The following ANKFN1 variants were observed in gnomAD, a reference collection of about 807,000 sequenced individuals.
ANKFN1 encodes ankyrin repeat and fibronectin type-III domain-containing protein 1.
In ANKFN1, 74 loss-of-function variants were observed where a neutral mutation model predicts 108.7. That is an observed-to-expected ratio of 0.68 (90% confidence interval 0.56 to 0.83). ANKFN1 has a LOEUF of 0.83. ANKFN1 is among the 40% of genes least tolerant of loss of function. ANKFN1 has a pLI of 0.00. For synonymous variants in ANKFN1, 547 were observed against 516.2 expected (o/e 1.06, Z -0.81); for missense variants, 1,505 against 1,382.3 (o/e 1.09, Z -1.41).
At chr17:56,084,170 C>A (rs1905280601) in intron 4 of ANKFN1, among the ~76,000 whole-genome samples, 1 of 150,988 alleles carries the variant, frequency 6.6e-6, no homozygotes, top group Admixed American at 6.6e-5. Context: ...GAAATAGGCA[C>A]CCTCTAGAGA....
At chr17:56,083,304 C>T (rs1317948347) in intron 4 of ANKFN1, among the ~76,000 whole-genome samples, 1 of 151,344 alleles carries the variant, frequency 6.6e-6, no homozygotes, top group Admixed American at 6.6e-5. Flanking sequence ...CTCCATTTTC[C>T]TTCCAATGTA....
intron 4 of ANKFN1, among the ~76,000 whole-genome samples, chr17:56,109,599 A>G (rs1905843569): frequency 6.6e-6 from 1 of 152,200 alleles, no homozygotes; most frequent in South Asian, 2.1e-4. Context: ...AAAAAAGGAA[A>G]GGTTGAACAG....
chr17:56,174,507 C>T (rs1910952828), intron 1 of ANKFN1: 1 of 794,404 alleles, frequency 1.3e-6, no homozygotes. Context: ...TGGAGTCTCT[C>T]TGTGCCTTTG....
intron 14 of ANKFN1, chr17:56,463,764 G>C (rs1349578630): frequency 6.6e-6 from 1 of 152,194 alleles, no homozygotes; most frequent in Non-Finnish European, 1.5e-5. Context: ...TGAATACCGT[G>C]TTCTTTACAT....
chr17:56,099,488 T>G (rs1905597470), intron 4 of ANKFN1, among the ~76,000 whole-genome samples: 1 of 152,194 alleles, frequency 6.6e-6, no homozygotes, highest in African/African-American at 2.4e-5. Flanking sequence ...TAGATTCTTC[T>G]AAGGATGTTC....
At chr17:56,234,225 A>G (rs1655670795) in intron 3 of ANKFN1, among the ~76,000 whole-genome samples, 1 of 152,162 alleles carries the variant, frequency 6.6e-6, no homozygotes. Flanking sequence ...ACACACCTTT[A>G]TATGGTATTC....
chr17:56,274,999 T>A (rs1261717237), intron 3 of ANKFN1, among the ~76,000 whole-genome samples: 1 of 152,178 alleles, frequency 6.6e-6, no homozygotes, highest in African/African-American at 2.4e-5. Context: ...CTAAAAAGAA[T>A]TAAGTGAGCT....
intron 3 of ANKFN1, among the ~76,000 whole-genome samples, chr17:56,246,775 T>C (rs538165727): frequency 9.9e-5 from 15 of 152,024 alleles, no homozygotes; most frequent in Non-Finnish European, 1.6e-4. Context: ...ATATATGTAA[T>C]ACATAACTAA....
chr17:56,170,939 G>A (rs1056715817), intron 1 of ANKFN1, among the ~76,000 whole-genome samples: 4 of 150,894 alleles, frequency 2.7e-5, no homozygotes, highest in African/African-American at 7.3e-5. Flanking sequence ...TCAAGTTGAT[G>A]TAAGTCTCTG....
chr17:56,274,713 G>A (rs1012920756), intron 3 of ANKFN1, among the ~76,000 whole-genome samples: 2 of 152,252 alleles, frequency 1.3e-5, no homozygotes, highest in East Asian at 3.9e-4. Context: ...TCCCTTTGGG[G>A]CTGGCAATTT....
At chr17:56,359,120 G>A (rs907346430) in intron 6 of ANKFN1, among the ~76,000 whole-genome samples, 2 of 152,302 alleles carry the variant, frequency 1.3e-5, no homozygotes, top group African/African-American at 4.8e-5. Context: ...TAGATGCTCA[G>A]AAAATTACAG....
At chr17:56,416,962 A>G (rs2332650) in intron 8 of ANKFN1, among the ~76,000 whole-genome samples, 114,994 of 151,994 alleles carry the variant, frequency 0.76, 43,702 homozygotes, top group East Asian at 0.96. Context: ...GGCACAGAAA[A>G]ACAAACTTCA....
intron 3 of ANKFN1, among the ~76,000 whole-genome samples, chr17:56,248,663 C>T (rs931167862): frequency 6.6e-6 from 1 of 152,194 alleles, no homozygotes; most frequent in African/African-American, 2.4e-5. Context: ...CAAAGCCTAT[C>T]CTCTGCCCAG....
chr17:56,075,078 A>G (rs1449772552), intron 4 of ANKFN1, among the ~76,000 whole-genome samples: 1 of 152,230 alleles, frequency 6.6e-6, no homozygotes, highest in Non-Finnish European at 1.5e-5. Context: ...GCTAGCAGGA[A>G]ACAGACCCAA....
intron 8 of ANKFN1, among the ~76,000 whole-genome samples, chr17:56,418,140 T>G (rs1306768032): frequency 6.6e-6 from 1 of 152,222 alleles, no homozygotes; most frequent in African/African-American, 2.4e-5. Context: ...TCCTTTTAAA[T>G]AAGACCTCCC....
chr17:56,378,568 A>G (rs1320791260), intron 8 of ANKFN1, among the ~76,000 whole-genome samples: 1 of 152,216 alleles, frequency 6.6e-6, no homozygotes, highest in Non-Finnish European at 1.5e-5. Flanking sequence ...CATAGGTATG[A>G]GGTAGCTACC....
intron 4 of ANKFN1, among the ~76,000 whole-genome samples, chr17:56,099,535 A>G (rs933996978): frequency 6.6e-6 from 1 of 152,186 alleles, no homozygotes; most frequent in Non-Finnish European, 1.5e-5. Context: ...GATTTCTGCC[A>G]CCAGATGTTG....
chr17:56,223,582 C>T (rs72833808), intron 2 of ANKFN1, among the ~76,000 whole-genome samples: 15,853 of 152,066 alleles, frequency 0.1, 1,168 homozygotes, highest in African/African-American at 0.21. Context: ...TTTATAAAAT[C>T]AGTAAAATAC....
intron 17 of ANKFN1, 70 bp downstream of exon 17, chr17:56,480,888 G>GGTGTGTGTCT (rs2050673139): frequency 7.6e-7 from 1 of 1,320,362 alleles, no homozygotes; most frequent in African/African-American, 1.8e-5. Flanking sequence ...CATTAAGTGG[G>GGTGTGTGTCT]GTGTGTGTGT....
Sources: gnomAD v4.1 joint callset for allele counts (sites outside exome capture counted in the v4.1 genomes callset) on GRCh38, gnomAD v4.1.1 for gene constraint, MANE v1.5 for transcripts, NCBI Gene and HGNC (gene_info 2026-07-23, HGNC 2026-07-21) for gene names.